FNIP2: variants seen among roughly 807,000 people sequenced by gnomAD.
The protein encoded by FNIP2 is folliculin interacting protein 2.
In FNIP2, 32 loss-of-function variants were observed where a neutral mutation model predicts 108.7. That is an observed-to-expected ratio of 0.29 (90% CI 0.22 to 0.40). The LOEUF (loss-of-function observed/expected upper bound fraction) is 0.40, where lower values mean the gene tolerates loss of function less well. Ranked by LOEUF, FNIP2 falls within the 10% of genes least tolerant of loss-of-function variation. FNIP2 has a pLI of 1.00. For missense variants in FNIP2, 1,202 were observed against 1,381.6 expected (o/e 0.87, Z 2.06); for synonymous variants, 480 against 496.7 (o/e 0.97, Z 0.45).
At chr4:158,859,442 C>G in intron 9 of FNIP2, 136 bp from the exon 10 acceptor site, 1 of 1,030,294 alleles carries the variant, frequency 9.7e-7, no homozygotes, top group Non-Finnish European at 1.4e-6. Context: ...AAGGAAATGA[C>G]TGCTTTTTCG....
intron 1 of FNIP2, among the ~76,000 whole-genome samples, chr4:158,792,444 C>T (rs1005174041): frequency 6.7e-6 from 1 of 149,690 alleles, no homozygotes; most frequent in Admixed American, 6.7e-5. Flanking sequence ...GGAGTGCTGT[C>T]TAGTGGTCCT....
chr4:158,879,364 G>C lies in FNIP2; in HGVS notation c.2949+8895G>C, dbSNP rs1342838159. ...CAAGTGTGTGGCAGCAGGAGGCCAG[G>C]GTGCTGAGAACGTGCGCACAAGGCG... On this transcript the variant is annotated intron_variant, in intron 14 of 16. Transcript: ENST00000264433. Among the ~76,000 whole-genome samples the C allele has an allele frequency of 1.3e-5, 2 of 150,614 alleles. 1 individual carries two copies. The highest frequency in any genetic ancestry group is 2.9e-5 in the Non-Finnish European group (2 of 67,826).
chr4:158,868,181 G>A lies in FNIP2; in HGVS notation c.1545G>A (p.Gln515=). Residue 515 remains glutamine (Q), a synonymous_variant, in exon 13 of 17, where the codon CAG becomes CAA. Transcript: ENST00000264433. This position sits in a 1 kb window ranked among gnomAD's most constrained non-coding sequence, Gnocchi z 4.6. ...TAGGGAAGCAGAAGGACTTAGTCCAGCGAATACTTTATGTCCTGACCTACT... is the reference window on the plus strand; with the variant it reads ...TAGGGAAGCAGAAGGACTTAGTCCAACGAATACTTTATGTCCTGACCTACT... ...VVVGKQKDLV[Q]RILYVLTYFL... 1.9e-6 allele frequency: 3 copies of A among 1,614,070 alleles called. No homozygotes were observed. Among genetic ancestry groups the A allele is most frequent in the Non-Finnish European group, 2.5e-6 (3 of 1,179,894 alleles).
At chr4:158,798,587 T>G (rs951864563) in intron 1 of FNIP2, among the ~76,000 whole-genome samples, 1 of 152,234 alleles carries the variant, frequency 6.6e-6, no homozygotes, top group African/African-American at 2.4e-5. Context: ...AGGGGTTTGG[T>G]TCATGTATCA....
chr4:158,858,779 A>G (rs781461512), intron 8 of FNIP2, among the ~76,000 whole-genome samples: 2 of 152,246 alleles, frequency 1.3e-5, no homozygotes, highest in Non-Finnish European at 2.9e-5. Flanking sequence ...TCAATTTGAC[A>G]TAAAACGATT....
chr4:158,899,862 T>A (rs1049341030), intron 16 of FNIP2, among the ~76,000 whole-genome samples: 1 of 152,218 alleles, frequency 6.6e-6, no homozygotes, highest in African/African-American at 2.4e-5. Context: ...TCTGCTCTGA[T>A]CTTAGTTATT....
At chr4:158,874,460 C>A (rs1323878631) in intron 14 of FNIP2, among the ~76,000 whole-genome samples, 1 of 119,670 alleles carries the variant, frequency 8.4e-6, no homozygotes, top group Non-Finnish European at 1.7e-5. Context: ...TTTGAGATCA[C>A]CCTGGGCAAT....
intron 7 of FNIP2, among the ~76,000 whole-genome samples, chr4:158,841,236 A>T (rs1371179321): frequency 6.6e-6 from 1 of 152,182 alleles, no homozygotes; most frequent in African/African-American, 2.4e-5. Context: ...TGGGGATTTT[A>T]TGATGGTTGC....
At chr4:158,805,218 T>C (rs2126486057) in intron 1 of FNIP2, among the ~76,000 whole-genome samples, 1 of 152,356 alleles carries the variant, frequency 6.6e-6, no homozygotes, top group South Asian at 2.1e-4. Context: ...AATCCATTAA[T>C]GTTTTCTTCA....
chr4:158,829,918 C>A (rs1335191494), intron 3 of FNIP2, among the ~76,000 whole-genome samples: 2 of 152,142 alleles, frequency 1.3e-5, no homozygotes, highest in Admixed American at 1.3e-4. Flanking sequence ...AGGGAAGTTA[C>A]CAGCAAATGG....
At position 158,833,523 on chromosome 4, in the gene FNIP2, T is replaced by A. The variant is rs2126593274; in HGVS notation, c.555-5T>A. ...TCTCCTTTTCCCCCCCATCTCCGGATATAGCTTGCAAGACAGCTTTGAGTA... is the reference window on the plus strand; with the variant it reads ...TCTCCTTTTCCCCCCCATCTCCGGAAATAGCTTGCAAGACAGCTTTGAGTA... On this transcript the variant is annotated splice_polypyrimidine_tract_variant and splice_region_variant and intron_variant, in intron 5 of 16. Coordinates refer to ENST00000264433, the MANE Select transcript of FNIP2 (RefSeq NM_020840.3). 1 of 1,573,764 alleles carries A rather than the reference T, an allele frequency of 6.4e-7. No individual in the cohort carries two copies. Among genetic ancestry groups the A allele is most frequent in the Non-Finnish European group, 8.6e-7 (1 of 1,161,066 alleles).
chr4:158,777,746 C>G (rs967181122), intron 1 of FNIP2, among the ~76,000 whole-genome samples: 6 of 152,122 alleles, frequency 3.9e-5, no homozygotes, highest in Non-Finnish European at 5.9e-5. Flanking sequence ...GGTAACTGGC[C>G]CTGCAGTGGG....
At chr4:158,775,607 C>T (rs535328604) in intron 1 of FNIP2, among the ~76,000 whole-genome samples, 2 of 152,126 alleles carry the variant, frequency 1.3e-5, no homozygotes, top group Non-Finnish European at 2.9e-5. Context: ...GCTGGCACCC[C>T]ACTTGTGTTC....
chr4:158,807,418 G>A (rs184802183), intron 1 of FNIP2, among the ~76,000 whole-genome samples: 157 of 152,164 alleles, frequency 1.0e-3, no homozygotes, highest in African/African-American at 3.7e-3. Context: ...TGGGAGGATC[G>A]CTTGAGCCCA....
intron 7 of FNIP2, among the ~76,000 whole-genome samples, chr4:158,849,724 G>T (rs1194380772): frequency 6.6e-6 from 1 of 151,910 alleles, no homozygotes; most frequent in Non-Finnish European, 1.5e-5. Context: ...TGTGGATTTG[G>T]TTTTGGGGAT....
rs1782122744 is a variant in FNIP2, at chr4:158,888,314, T to G, written c.2950-3132T>G. ...TGAAAAGGTTCTGCTGGTTCTTTTC[T>G]GTTCCTGGGGCCTGCATGCATAAAA... On this transcript the variant is annotated intron_variant, in intron 14 of 16. Transcript: ENST00000264433. Among the ~76,000 whole-genome samples, 5 of 152,242 alleles carry G rather than the reference T, an allele frequency of 3.3e-5. No homozygotes were observed. The South Asian group carries it at 1.0e-3, about 32-fold the overall frequency.
At chr4:158,797,843 C>T (rs1776637839) in intron 1 of FNIP2, among the ~76,000 whole-genome samples, 1 of 152,174 alleles carries the variant, frequency 6.6e-6, no homozygotes, top group Admixed American at 6.5e-5. Flanking sequence ...CCAGAGAAAA[C>T]TTCTTGCCCA....
chr4:158,809,091 A>G (rs1777129382), intron 1 of FNIP2, among the ~76,000 whole-genome samples: 1 of 152,226 alleles, frequency 6.6e-6, no homozygotes, highest in Non-Finnish European at 1.5e-5. Context: ...TCAACAAAAA[A>G]CTACCAAGTT....
Position 158,853,329 on chromosome 4 carries a change from G to A in FNIP2, c.857+1879G>A, listed in dbSNP as rs74289869. On this transcript the variant is annotated intron_variant, in intron 8 of 16. Coordinates refer to ENST00000264433, the MANE Select transcript of FNIP2 (RefSeq NM_020840.3). Reference sequence around the variant, plus strand: ...TTACTTGGAGAAGGATCTTTCTGCTGATGCAGTCTTACATAGCTTTATGGA... The same window carrying A: ...TTACTTGGAGAAGGATCTTTCTGCTAATGCAGTCTTACATAGCTTTATGGA... Among the ~76,000 whole-genome samples, 254 of 152,274 alleles carry A rather than the reference G, an allele frequency of 1.7e-3. 1 individual carries two copies. Among genetic ancestry groups the A allele is most frequent in the South Asian group, 0.013 (64 of 4,826 alleles).
Sources: gnomAD v4.1 joint callset for allele counts (sites outside exome capture counted in the v4.1 genomes callset) on GRCh38, gnomAD v4.1.1 for gene constraint, Gnocchi (gnomAD v3.1) non-coding constraint, MANE v1.5 for transcripts, NCBI Gene and HGNC (gene_info 2026-07-23, HGNC 2026-07-21) for gene names.